Variants in DOP1B observed in about 807,000 individuals in gnomAD.
DOP1B encodes the protein DOP1 leucine zipper like protein B, also known as protein DOP1B.
A neutral mutation model predicts 233.5 loss-of-function variants in DOP1B; 174 were observed. The observed-to-expected ratio is 0.75, with a 90% CI of 0.66 to 0.85. The LOEUF (loss-of-function observed/expected upper bound fraction) is 0.85, where lower values mean the gene tolerates loss of function less well. DOP1B is among the 40% of genes least tolerant of loss of function. The pLI, the probability that DOP1B is intolerant of heterozygous loss-of-function variation, is 0.00. For missense variants in DOP1B, 2,652 were observed against 2,846.6 expected (o/e 0.93, Z 1.56); for synonymous variants, 1,190 against 1,185.6 (o/e 1.00, Z -0.08).
chr21:36,248,449 A>G lies in DOP1B; in HGVS notation c.4879A>G (p.Thr1627Ala), dbSNP rs1275472859. 1 of 1,614,138 alleles carries G rather than the reference A, an allele frequency of 6.2e-7. No homozygotes were observed. Among genetic ancestry groups the G allele is most frequent in the Admixed American group, 1.7e-5 (1 of 60,012 alleles). Residue 1627 changes from threonine to alanine, a missense_variant, in exon 21 of 37, where the codon ACT (threonine) becomes GCT (alanine). Coordinates refer to ENST00000691173, the MANE Select transcript of DOP1B (RefSeq NM_001320714.2). ...RNAILEELPRTVNTMALLWNV... is the reference protein window; with the variant it reads ...RNAILEELPRAVNTMALLWNV... The stretch of plus-strand genomic sequence containing the variant: ...TGCCATTTTGGAAGAGCTGCCTCGA[A>G]CTGTTAACACCATGGCCCTTCTCTG...
At chr21:36,248,032 T>C (rs552738361) in intron 20 of DOP1B, among the ~76,000 whole-genome samples, 46 of 152,248 alleles carry the variant, frequency 3.0e-4, no homozygotes, top group Non-Finnish European at 2.4e-4. Context: ...ATGTATTTTT[T>C]ACTTGCTATC....
At chr21:36,179,041 A>G (rs1372611969) in intron 2 of DOP1B, among the ~76,000 whole-genome samples, 3 of 152,270 alleles carry the variant, frequency 2.0e-5, no homozygotes, top group East Asian at 3.9e-4. Context: ...GAAAGTTTAT[A>G]TAAATGGAAT....
intron 2 of DOP1B, among the ~76,000 whole-genome samples, chr21:36,186,549 G>A (rs745406381): frequency 1.3e-5 from 2 of 152,164 alleles, no homozygotes; most frequent in African/African-American, 2.4e-5. Flanking sequence ...TACCCTGTAT[G>A]TTTCAGCTCC....
intron 9 of DOP1B, among the ~76,000 whole-genome samples, chr21:36,217,100 C>A (rs1352181151): frequency 6.8e-6 from 1 of 147,628 alleles, no homozygotes; most frequent in Non-Finnish European, 1.5e-5. Flanking sequence ...AAAAAGAGAG[C>A]TGAGGGCATT....
chr21:36,243,368 C>CTT lies in DOP1B; in HGVS notation c.3068-1665_3068-1664dup, dbSNP rs756474335. On this transcript the variant is annotated intron_variant, in intron 18 of 36. Coordinates refer to ENST00000691173, the MANE Select transcript of DOP1B (RefSeq NM_001320714.2). Reference sequence around the variant, plus strand: ...TCACTAATTTTTTTTTCCTTTTCTTCTTTTTTTTTTTTTTTTAAATAGGCA... The same window carrying CTT: ...TCACTAATTTTTTTTTCCTTTTCTTCTTTTTTTTTTTTTTTTTTAAATAGGCA... Among the ~76,000 whole-genome samples, 21 of 134,918 alleles carry CTT rather than the reference C, an allele frequency of 1.6e-4. No individual in the cohort carries two copies. The South Asian group carries it at 4.2e-3, about 27-fold the overall frequency. The allele number at this position is 134,918 out of a possible 152,430, so 88.5% of individuals were successfully genotyped here.
At chr21:36,168,752 C>T (rs1478119045) in intron 2 of DOP1B, among the ~76,000 whole-genome samples, 4 of 151,446 alleles carry the variant, frequency 2.6e-5, no homozygotes, top group East Asian at 1.9e-4. Flanking sequence ...AGGCTGGTCT[C>T]GAACTCCTGA....
chr21:36,263,576 T>G lies in DOP1B; in HGVS notation c.5346T>G (p.Phe1782Leu), dbSNP rs1172500644. The G allele has an allele frequency of 6.2e-7, 1 of 1,614,236 alleles. No homozygotes were observed. Among genetic ancestry groups the G allele is most frequent in the Admixed American group, 1.7e-5 (1 of 60,022 alleles). ...CAGTACCAGCCTTGCAAGAGAACTT[T>G]TCTTCACTGTTGGGAGTATTGAAAG... ...RLPVPALQEN[F>L]SSLLGVLKES... is the part of the protein sequence containing the mutation. The change falls in exon 25 of 37, where the codon TTT becomes TTG. Residue 1782 changes from phenylalanine to leucine, a missense_variant. By Grantham distance (22) the Phe-to-Leu change is conservative (BLOSUM62 0). Coordinates refer to ENST00000691173, the MANE Select transcript of DOP1B (RefSeq NM_001320714.2).
At chr21:36,216,776 G>A (rs1291817654) in intron 9 of DOP1B, among the ~76,000 whole-genome samples, 2 of 151,662 alleles carry the variant, frequency 1.3e-5, no homozygotes, top group African/African-American at 2.4e-5. Context: ...GTTTGCAGAG[G>A]ACAAGAGAGC....
chr21:36,235,940 C>T lies in DOP1B; in HGVS notation c.2623-1322C>T, dbSNP rs1287553251. ...TAATGTGATTGTTGGAAATCACTTT[C>T]CCTTAGAGAAAAAGTAACAAAATAA... On this transcript the variant is annotated intron_variant, in intron 15 of 36. Transcript: ENST00000691173. Among the ~76,000 whole-genome samples, 4 of 151,430 alleles carry T rather than the reference C, an allele frequency of 2.6e-5. 1 individual carries two copies. Among genetic ancestry groups the T allele is most frequent in the Admixed American group, 1.3e-4 (2 of 15,144 alleles).
intron 16 of DOP1B, 33 bp downstream of exon 16, chr21:36,237,447 A>C: frequency 6.2e-7 from 1 of 1,611,826 alleles, no homozygotes; most frequent in Non-Finnish European, 8.5e-7. Flanking sequence ...TCCATCCTGC[A>C]GCACCCCGGC....
At chr21:36,181,342 G>A (rs544259760) in intron 2 of DOP1B, among the ~76,000 whole-genome samples, 1 of 151,620 alleles carries the variant, frequency 6.6e-6, no homozygotes, top group Non-Finnish European at 1.5e-5. Context: ...GCAGTGGCAC[G>A]ATCTTGGCTC....
intron 2 of DOP1B, among the ~76,000 whole-genome samples, chr21:36,181,365 G>A (rs1196420607): frequency 2.6e-5 from 4 of 151,554 alleles, no homozygotes; most frequent in African/African-American, 4.9e-5. Flanking sequence ...TGCAACCTCC[G>A]TCTCCCAGGC....
intron 28 of DOP1B, 121 bp downstream of exon 28, chr21:36,277,221 G>A (rs575134760): frequency 2.4e-5 from 23 of 945,360 alleles, no homozygotes; most frequent in African/African-American, 3.3e-5. Context: ...AGGTGAGCTC[G>A]TCCATCAGGC....
At chr21:36,261,681 G>A (rs2067173700) in intron 24 of DOP1B, 2 of 980,480 alleles carry the variant, frequency 2.0e-6, no homozygotes, top group Non-Finnish European at 2.4e-6. Flanking sequence ...GCTAGAGTGG[G>A]TGAGTCACTT....
intron 2 of DOP1B, among the ~76,000 whole-genome samples, chr21:36,172,535 G>A (rs939702426): frequency 1.3e-5 from 2 of 152,178 alleles, no homozygotes; most frequent in African/African-American, 2.4e-5. Flanking sequence ...GCTGAAGGCA[G>A]AAGGATCACT....
intron 4 of DOP1B, among the ~76,000 whole-genome samples, chr21:36,201,272 G>A (rs773039447): frequency 6.6e-6 from 1 of 151,448 alleles, no homozygotes; most frequent in Admixed American, 6.6e-5. Context: ...GGGTCAGAGG[G>A]TAAGAAGGTT....
chr21:36,182,276 A>G (rs1320353971), intron 2 of DOP1B, among the ~76,000 whole-genome samples: 2 of 152,106 alleles, frequency 1.3e-5, no homozygotes, highest in Admixed American at 1.3e-4. Flanking sequence ...TTTCTTGCCA[A>G]TAGAGAACCC....
At chr21:36,200,839 G>GAAAA (rs67599618) in intron 4 of DOP1B, among the ~76,000 whole-genome samples, 1 of 134,332 alleles carries the variant, frequency 7.4e-6, no homozygotes. Context: ...ACTCTGTCTC[G>GAAAA]AAAAAAAAAA....
intron 23 of DOP1B, among the ~76,000 whole-genome samples, chr21:36,257,356 T>G (rs1381890491): frequency 6.6e-6 from 1 of 152,170 alleles, no homozygotes; most frequent in Admixed American, 6.5e-5. Flanking sequence ...AAGAGTGTGA[T>G]CTAATACTTA....
Sources: allele counts gnomAD v4.1 joint callset (sites outside exome capture counted in the v4.1 genomes callset), GRCh38; gene constraint gnomAD v4.1.1; transcripts MANE v1.5; gene names NCBI Gene and HGNC (gene_info 2026-07-23, HGNC 2026-07-21).